The following CDH12 variants were observed in gnomAD, a reference collection of about 807,000 sequenced individuals.
The protein encoded by CDH12 is cadherin 12.
CDH12 carries 41 observed loss-of-function variants against 74.1 expected under a neutral mutation model. The observed-to-expected ratio is 0.55, with a 90% CI of 0.43 to 0.72. The LOEUF (loss-of-function observed/expected upper bound fraction) is 0.72. CDH12 is among the 30% of genes least tolerant of loss of function. The pLI is 0.00. For synonymous variants in CDH12, 399 were observed against 355.0 expected, an observed-to-expected ratio of 1.12 and a Z score of -1.39; for missense variants, 945 against 977.2, an observed-to-expected ratio of 0.97 and a Z score of 0.44.
At chr5:22,117,906 A>G (rs866863519) in intron 4 of CDH12, among the ~76,000 whole-genome samples, 2 of 152,060 alleles carry the variant, frequency 1.3e-5, no homozygotes, top group African/African-American at 2.4e-5. Context: ...TAATTTTACA[A>G]TAATTCAATA....
chr5:22,231,814 T>C (rs557073598), intron 3 of CDH12, among the ~76,000 whole-genome samples: 95 of 152,052 alleles, frequency 6.2e-4, no homozygotes, highest in Non-Finnish European at 1.3e-3. Flanking sequence ...AAATCAACCA[T>C]CATTATGAAT....
chr5:22,202,169 C>CCCTTCCTTCCTT (rs1347338743), intron 4 of CDH12, among the ~76,000 whole-genome samples: 2 of 82,102 alleles, frequency 2.4e-5, no homozygotes, highest in African/African-American at 8.5e-5. Flanking sequence ...CTTCCTTCCT[C>CCCTTCCTTCCTT]CCTTCCTTCC....
In CDH12 at chr5:22,763,694, C is replaced by T. The variant is rs578005835; in HGVS notation, c.-523+89364G>A. Among the ~76,000 whole-genome samples, 7 of 151,964 alleles carry T rather than the reference C, an allele frequency of 4.6e-5. No homozygotes were observed. The East Asian group carries it at 1.2e-3, about 25-fold the overall frequency. On this transcript the variant is annotated intron_variant, in intron 1 of 14. Coordinates refer to ENST00000382254, the MANE Select transcript of CDH12 (RefSeq NM_004061.5). ...AGATGGACTCATGGGCTCTTTTTCC[C>T]ATCATGCGAAAATGTTCACTTGCTA...
chr5:21,886,384 CCTT>C (rs1752631309), intron 6 of CDH12, among the ~76,000 whole-genome samples: 1 of 150,056 alleles, frequency 6.7e-6, no homozygotes, highest in Non-Finnish European at 1.5e-5. Flanking sequence ...GCTCTTCTAT[CCTT>C]TTTCTGGAAT....
chr5:22,574,460 C>T (rs2126771158), intron 1 of CDH12, among the ~76,000 whole-genome samples: 1 of 152,170 alleles, frequency 6.6e-6, no homozygotes, highest in Middle Eastern at 3.4e-3. Flanking sequence ...TGTTTAGCAC[C>T]ATGCTTACAA....
chr5:22,734,304 T>C (rs1193303382), intron 1 of CDH12, among the ~76,000 whole-genome samples: 1 of 151,920 alleles, frequency 6.6e-6, no homozygotes, highest in Non-Finnish European at 1.5e-5. Flanking sequence ...AGTAGTATCA[T>C]TTGTTGACAT....
At chr5:22,645,611 C>G (rs1374726402) in intron 1 of CDH12, among the ~76,000 whole-genome samples, 64 of 152,002 alleles carry the variant, frequency 4.2e-4, no homozygotes, top group Admixed American at 4.1e-3. Flanking sequence ...AGATTGATTT[C>G]AATTTGGAAA....
At chr5:22,293,358 A>T (rs1414741857) in intron 3 of CDH12, among the ~76,000 whole-genome samples, 1 of 152,118 alleles carries the variant, frequency 6.6e-6, no homozygotes, top group Admixed American at 6.5e-5. Flanking sequence ...CTTGCTGAGA[A>T]ATCCTTCATT....
At chr5:21,887,890 G>C (rs147314989) in intron 6 of CDH12, among the ~76,000 whole-genome samples, 321 of 141,494 alleles carry the variant, frequency 2.3e-3, no homozygotes, top group African/African-American at 7.9e-3. Flanking sequence ...GATAACATAA[G>C]CAAGAATTGC....
intron 3 of CDH12, among the ~76,000 whole-genome samples, chr5:22,349,879 C>T (rs532683913): frequency 1.8e-4 from 27 of 152,164 alleles, no homozygotes; most frequent in African/African-American, 6.0e-4. Flanking sequence ...GGACTACAGG[C>T]GCAGCTAATC....
At chr5:22,677,604 A>G (rs1478969537) in intron 1 of CDH12, among the ~76,000 whole-genome samples, 1 of 152,088 alleles carries the variant, frequency 6.6e-6, no homozygotes, top group Non-Finnish European at 1.5e-5. Flanking sequence ...ACGAGACACA[A>G]ACATTCAGAA....
At chr5:22,720,037 AACAC>A (rs10654995) in intron 1 of CDH12, among the ~76,000 whole-genome samples, 7 of 148,436 alleles carry the variant, frequency 4.7e-5, no homozygotes, top group Admixed American at 2.0e-4. Context: ...ACAAAAACAC[AACAC>A]ACACACACAC....
chr5:22,836,246 C>T (rs1268835056), intron 1 of CDH12, among the ~76,000 whole-genome samples: 2 of 438 alleles, frequency 4.6e-3, no homozygotes, highest in South Asian at 0.067. Context: ...TTTTTTGAGA[C>T]AGAGTCTCGC....
intron 1 of CDH12, among the ~76,000 whole-genome samples, chr5:22,728,374 A>G (rs1744268555): frequency 6.6e-6 from 1 of 151,902 alleles, no homozygotes; most frequent in Non-Finnish European, 1.5e-5. Flanking sequence ...TTACAAGGAG[A>G]TAAATAGAAT....
In CDH12 at chr5:22,569,566, C is replaced by A. The variant is rs374200962; in HGVS notation, c.-522-64202G>T. Among the ~76,000 whole-genome samples, 27 of 152,316 alleles carry A rather than the reference C, an allele frequency of 1.8e-4. No individual in the cohort carries two copies. In the East Asian group the frequency reaches 3.9e-3, roughly 22 times the overall value. Reference sequence around the variant, plus strand: ...GCACACCTCAAATCCTGATACTGCTCTATCAACTACGCTTAGGACATATTC... The same window carrying A: ...GCACACCTCAAATCCTGATACTGCTATATCAACTACGCTTAGGACATATTC... On this transcript the variant is annotated intron_variant, in intron 1 of 14. Coordinates refer to ENST00000382254, the MANE Select transcript of CDH12 (RefSeq NM_004061.5).
At chr5:22,474,692 A>C (rs1016782151) in intron 2 of CDH12, among the ~76,000 whole-genome samples, 4 of 152,122 alleles carry the variant, frequency 2.6e-5, no homozygotes, top group Admixed American at 2.6e-4. Context: ...TGCATAATAC[A>C]TCAGGTTATT....
intron 5 of CDH12, among the ~76,000 whole-genome samples, chr5:22,058,268 G>C (rs1212676021): frequency 6.6e-6 from 1 of 152,006 alleles, no homozygotes. Flanking sequence ...CGTTGCCCAG[G>C]CTGGTCTCAA....
intron 2 of CDH12, among the ~76,000 whole-genome samples, chr5:22,499,070 ATT>A (rs545083272): frequency 2.1e-5 from 3 of 140,566 alleles, no homozygotes; most frequent in Non-Finnish European, 3.1e-5. Flanking sequence ...TACCCGGCTA[ATT>A]TTTTTTTTTT....
chr5:22,061,740 A>C (rs1741200943), intron 5 of CDH12, among the ~76,000 whole-genome samples: 1 of 152,186 alleles, frequency 6.6e-6, no homozygotes, highest in Admixed American at 6.6e-5. Flanking sequence ...ATGCACATAT[A>C]AACACAGACA....
Sources: gnomAD v4.1 joint callset for allele counts (sites outside exome capture counted in the v4.1 genomes callset) on GRCh38, gnomAD v4.1.1 for gene constraint, MANE v1.5 for transcripts, NCBI Gene and HGNC (gene_info 2026-07-23, HGNC 2026-07-21) for gene names.